The following ARHGAP42 variants were observed in gnomAD, a reference collection of about 807,000 sequenced individuals.
The protein encoded by ARHGAP42 is Rho GTPase activating protein 42.
In ARHGAP42, 63 loss-of-function variants were observed where a neutral mutation model predicts 125.0. That is an observed-to-expected ratio of 0.50 (90% CI 0.41 to 0.62). ARHGAP42 has a LOEUF of 0.62. ARHGAP42 is among the 20% of genes least tolerant of loss of function. ARHGAP42 has a pLI of 0.00. For synonymous variants in ARHGAP42, 339 were observed against 351.0 expected (o/e 0.97, Z 0.38); for missense variants, 766 against 1,024.2 (o/e 0.75, Z 3.44).
intron 2 of ARHGAP42, among the ~76,000 whole-genome samples, chr11:100,779,367 C>T (rs1863210936): frequency 6.7e-6 from 1 of 148,548 alleles, no homozygotes; most frequent in East Asian, 2.0e-4. Context: ...ATTGCTTGAA[C>T]CTGGGAGGCA....
chr11:100,696,624 G>A (rs540037451), intron 1 of ARHGAP42, among the ~76,000 whole-genome samples: 1 of 151,662 alleles, frequency 6.6e-6, no homozygotes, highest in South Asian at 2.1e-4. Context: ...CAAAGTGCTG[G>A]GATTACAGGC....
At chr11:100,864,642 C>T (rs1036764074) in intron 4 of ARHGAP42, among the ~76,000 whole-genome samples, 8 of 152,158 alleles carry the variant, frequency 5.3e-5, no homozygotes, top group Admixed American at 5.2e-4. Context: ...TATACAGAAA[C>T]AAACTGGGAA....
chr11:100,965,221 G>A (rs1160630124), intron 16 of ARHGAP42, among the ~76,000 whole-genome samples: 3 of 152,096 alleles, frequency 2.0e-5, no homozygotes, highest in Non-Finnish European at 4.4e-5. Context: ...GGGATTATGG[G>A]AACTACAATT....
At chr11:100,983,123 A>C (rs1762662902) in intron 22 of ARHGAP42, among the ~76,000 whole-genome samples, 1 of 152,184 alleles carries the variant, frequency 6.6e-6, no homozygotes, top group Admixed American at 6.5e-5. Context: ...TTGATCTCAC[A>C]ACACCTTTAT....
chr11:100,929,551 C>A (rs1236742744), intron 6 of ARHGAP42, among the ~76,000 whole-genome samples: 2 of 152,180 alleles, frequency 1.3e-5, no homozygotes, highest in African/African-American at 2.4e-5. Flanking sequence ...GATACAGTTT[C>A]TCCATGTCCC....
chr11:100,908,327 G>C (rs552041911), intron 4 of ARHGAP42, among the ~76,000 whole-genome samples: 1 of 152,092 alleles, frequency 6.6e-6, no homozygotes, highest in Non-Finnish European at 1.5e-5. Flanking sequence ...TGTGTATTCC[G>C]GGGTTTTAGT....
At chr11:100,959,375 C>T (rs755304513) in intron 12 of ARHGAP42, among the ~76,000 whole-genome samples, 2 of 151,822 alleles carry the variant, frequency 1.3e-5, no homozygotes, top group African/African-American at 2.4e-5. Context: ...GAACATGGAG[C>T]GTAGAATCAG....
At chr11:100,796,634 C>A (rs1363709685) in intron 3 of ARHGAP42, among the ~76,000 whole-genome samples, 1 of 151,950 alleles carries the variant, frequency 6.6e-6, no homozygotes. Context: ...TCTATTAAAC[C>A]CACAAATGAT....
At chr11:100,761,394 GT>G (rs1229941436) in intron 1 of ARHGAP42, among the ~76,000 whole-genome samples, 1 of 152,184 alleles carries the variant, frequency 6.6e-6, no homozygotes, top group Non-Finnish European at 1.5e-5. Flanking sequence ...TTGTGCCACT[GT>G]TCTTTACCCA....
At chr11:100,854,856 A>G (rs927724096) in intron 3 of ARHGAP42, among the ~76,000 whole-genome samples, 2 of 152,176 alleles carry the variant, frequency 1.3e-5, no homozygotes, top group Non-Finnish European at 2.9e-5. Context: ...GCTTGTAATC[A>G]ATCACAAATT....
intron 1 of ARHGAP42, among the ~76,000 whole-genome samples, chr11:100,768,038 A>G (rs1382912789): frequency 6.6e-6 from 1 of 152,130 alleles, no homozygotes; most frequent in East Asian, 1.9e-4. Flanking sequence ...CCACGTTGAT[A>G]GGTACTTGGA....
intron 1 of ARHGAP42, among the ~76,000 whole-genome samples, chr11:100,750,936 C>A: frequency 7.9e-6 from 1 of 126,832 alleles, no homozygotes; most frequent in East Asian, 2.1e-4. Context: ...TTGATGTATA[C>A]TTTTTTTTTT....
intron 22 of ARHGAP42, 75 bp from the exon 23 acceptor site, chr11:100,987,438 C>A: frequency 8.2e-7 from 1 of 1,217,790 alleles, no homozygotes; most frequent in Non-Finnish European, 1.2e-6. Context: ...TAATAGCATT[C>A]TTGAAGAAGA....
chr11:100,911,323 G>T (rs777532028), intron 4 of ARHGAP42, among the ~76,000 whole-genome samples: 1 of 152,018 alleles, frequency 6.6e-6, no homozygotes, highest in East Asian at 1.9e-4. Flanking sequence ...CCATTTTAAG[G>T]TAGATGGGGG....
chr11:100,742,193 G>T (rs1000919367), intron 1 of ARHGAP42, among the ~76,000 whole-genome samples: 1 of 152,218 alleles, frequency 6.6e-6, no homozygotes, highest in African/African-American at 2.4e-5. Context: ...TCCTGGATGA[G>T]AGAGGGGGTC....
chr11:100,721,397 TC>T (rs1209293684), intron 1 of ARHGAP42, among the ~76,000 whole-genome samples: 1 of 152,184 alleles, frequency 6.6e-6, no homozygotes, highest in African/African-American at 2.4e-5. Context: ...CATACTGACT[TC>T]TTTCACTTAG....
intron 22 of ARHGAP42, among the ~76,000 whole-genome samples, chr11:100,980,371 G>A (rs952027609): frequency 6.6e-6 from 1 of 151,844 alleles, no homozygotes; most frequent in Non-Finnish European, 1.5e-5. Context: ...CTCACTAGAT[G>A]GAGCCCTTTT....
At chr11:100,904,249 T>C (rs79751881) in intron 4 of ARHGAP42, among the ~76,000 whole-genome samples, 4 of 136,076 alleles carry the variant, frequency 2.9e-5, no homozygotes, top group South Asian at 2.3e-4. Flanking sequence ...TCCTCTCTCT[T>C]TTTTTTTTTT....
intron 6 of ARHGAP42, among the ~76,000 whole-genome samples, chr11:100,924,575 G>A (rs578167235): frequency 6.6e-6 from 1 of 152,082 alleles, no homozygotes; most frequent in South Asian, 2.1e-4. Context: ...GCTGAGGCAC[G>A]AGAATTGTTT....
Sources: gnomAD v4.1 joint callset for allele counts (sites outside exome capture counted in the v4.1 genomes callset) on GRCh38, gnomAD v4.1.1 for gene constraint, MANE v1.5 for transcripts, NCBI Gene and HGNC (gene_info 2026-07-23, HGNC 2026-07-21) for gene names.